Variants in PARP9 observed in about 807,000 individuals in gnomAD.
PARP9 encodes protein mono-ADP-ribosyltransferase PARP9.
PARP9 carries 48 observed loss-of-function variants against 68.8 expected under a neutral mutation model. That is an observed-to-expected ratio of 0.70 (90% CI 0.55 to 0.89). The LOEUF is 0.89. Ranked by LOEUF, PARP9 falls within the 40% of genes least tolerant of loss-of-function variation. PARP9 has a pLI of 0.00. For missense variants in PARP9, 806 were observed against 969.3 expected (o/e 0.83, Z 2.24); for synonymous variants, 309 against 333.8 (o/e 0.93, Z 0.81).
chr3:122,564,521 G>T, upstream of PARP9: 2 of 1,611,798 alleles, frequency 1.2e-6, no homozygotes, highest in Non-Finnish European at 1.7e-6. Flanking sequence ...TACTTCCAGA[G>T]CTCTAAGTCC....
At chr3:122,557,005 A>AT (rs1393163168) in intron 3 of PARP9, among the ~76,000 whole-genome samples, 2 of 151,786 alleles carry the variant, frequency 1.3e-5, no homozygotes, top group South Asian at 4.2e-4. Context: ...TAATTTCCGT[A>AT]TTTTTTTCTG....
At position 122,528,610 on chromosome 3, in the gene PARP9, C is replaced by G. The variant is rs778616434; in HGVS notation, c.2214G>C (p.Gln738His). 1 of 1,614,048 alleles carries G rather than the reference C, an allele frequency of 6.2e-7. No homozygotes were observed. Among genetic ancestry groups the G allele is most frequent in the Non-Finnish European group, 8.5e-7 (1 of 1,180,040 alleles). The change falls in exon 11 of 11, where the codon CAG (glutamine) becomes CAC (histidine). Residue 738 changes from glutamine to histidine, a missense_variant. Around this residue, in one of 2 missense-constraint regions of PARP9, gnomAD observed 680 missense variants for 858.8 expected, o/e 0.79. Transcript: ENST00000682323. ...GGGGAACAATATTTAACGGATGTCC[C>G]TGGCAGAAGAAGCCTGTGAGTACTT... ...EAEVLTGFFC[Q>H]GHPLNIVPPP...
intron 8 of PARP9, among the ~76,000 whole-genome samples, chr3:122,540,012 A>G (rs930479095): frequency 2.0e-5 from 3 of 152,252 alleles, no homozygotes; most frequent in Admixed American, 1.3e-4. Context: ...TTACCAATGT[A>G]TAACTTCATT....
intron 7 of PARP9, among the ~76,000 whole-genome samples, chr3:122,542,658 T>C (rs2078340939): frequency 6.6e-6 from 1 of 151,354 alleles, no homozygotes; most frequent in Non-Finnish European, 1.5e-5. Context: ...TTTTGTACTT[T>C]TAGTAGAGAT....
At chr3:122,549,505 G>T (rs1243119841) in intron 6 of PARP9, among the ~76,000 whole-genome samples, 1 of 152,158 alleles carries the variant, frequency 6.6e-6, no homozygotes, top group African/African-American at 2.4e-5. Context: ...GACAGGCCAG[G>T]CATATTGGCT....
intron 4 of PARP9, among the ~76,000 whole-genome samples, chr3:122,554,149 G>A (rs888607434): frequency 6.6e-6 from 1 of 151,924 alleles, no homozygotes; most frequent in Non-Finnish European, 1.5e-5. Context: ...CCTGACTGTA[G>A]TCAAGCCCAT....
intron 3 of PARP9, 134 bp from the exon 4 acceptor site, chr3:122,556,255 G>C: frequency 1.6e-6 from 1 of 614,374 alleles, no homozygotes; most frequent in South Asian, 2.5e-5. Flanking sequence ...ACTTCATGTA[G>C]TGCTCTTCAT....
Position 122,534,990 on chromosome 3 carries a change from T to C in PARP9, c.2080+1178A>G, listed in dbSNP as rs1000957965. The stretch of plus-strand genomic sequence containing the variant: ...AGGATAGTGGGTGTCTTAGATGTTT[T>C]AGTAAGAAAGATGTGTATAGATGTT... On this transcript the variant is annotated intron_variant, in intron 10 of 10. Transcript: ENST00000682323. 6.1e-6 allele frequency: 6 copies of C among 981,656 alleles called. No individual in the cohort carries two copies. The Admixed American group carries it at 2.5e-4, about 40-fold the overall frequency. The allele number at this position is 981,656 out of a possible 1,614,324, so 60.8% of individuals were successfully genotyped here. A position where few individuals can be genotyped will look rare whatever the true frequency, so the allele number is the denominator to read the frequency against.
At chr3:122,561,585 C>T (rs893076468) in intron 1 of PARP9, among the ~76,000 whole-genome samples, 2 of 152,200 alleles carry the variant, frequency 1.3e-5, no homozygotes, top group African/African-American at 4.8e-5. Flanking sequence ...ATTCTGCTTT[C>T]CTGGCTTCTC....
intron 2 of PARP9, among the ~76,000 whole-genome samples, chr3:122,559,013 CATCT>C (rs1265330190): frequency 1.1e-4 from 17 of 152,216 alleles, no homozygotes; most frequent in Non-Finnish European, 1.6e-4. Context: ...ACCGCCAATG[CATCT>C]CAGTGCATCT....
chr3:122,531,787 T>TA (rs398106397), intron 10 of PARP9: 1 of 151,964 alleles, frequency 6.6e-6, no homozygotes, highest in Non-Finnish European at 1.5e-5. Flanking sequence ...TGTTTTTTTT[T>TA]ATTATTTTAT....
At position 122,555,649 on chromosome 3, in the gene PARP9, A is replaced by C; in HGVS notation, c.522T>G (p.Cys174Trp). 6.2e-7 allele frequency: 1 copy of C among 1,614,128 alleles called. No individual in the cohort carries two copies. The highest frequency in any genetic ancestry group is 8.5e-7 in the Non-Finnish European group (1 of 1,180,022). ...PRWMEWDKQG[C>W]TGKLQRAIVS... ...CAATGGCCCTCTGCAGCTTTCCAGT[A>C]CATCCCTGTTTATCCCATTCCATCC... Residue 174 changes from cysteine to tryptophan, a missense_variant, in exon 4 of 11, where the codon TGT becomes TGG. By Grantham distance (215) the Cys-to-Trp change is radical. This residue lies in a region of PARP9 where 680 missense variants were observed against 858.8 expected (regional missense o/e 0.79). Transcript: ENST00000682323.
chr3:122,539,624 G>A lies in PARP9; in HGVS notation c.1765+848C>T, dbSNP rs564281347. 1.5e-3 allele frequency among the ~76,000 whole-genome samples: 227 copies of A among 149,632 alleles called. 2 individuals carry two copies. The highest frequency in any genetic ancestry group is 5.1e-3 in the African/African-American group (207 of 40,414). On this transcript the variant is annotated intron_variant, in intron 8 of 10. Transcript: ENST00000682323. ...TGCCCAGGCTGGAGTGCAATGGTTC[G>A]ATCTTGGTTCACTGCAACCTCTGCC...
At chr3:122,558,340 T>C (rs753898739) in intron 3 of PARP9, 94 bp downstream of exon 3, 6 of 1,614,084 alleles carry the variant, frequency 3.7e-6, no homozygotes, top group African/African-American at 2.7e-5. Flanking sequence ...TGAGCACTTG[T>C]AGGGGAGACA....
intron 7 of PARP9, among the ~76,000 whole-genome samples, chr3:122,544,436 A>G (rs1456014910): frequency 6.6e-6 from 1 of 152,202 alleles, no homozygotes; most frequent in African/African-American, 2.4e-5. Flanking sequence ...ACAGGATCAT[A>G]AAAGGCACAG....
At chr3:122,563,514 T>A (rs2080413427) in intron 1 of PARP9, among the ~76,000 whole-genome samples, 1 of 152,208 alleles carries the variant, frequency 6.6e-6, no homozygotes, top group Non-Finnish European at 1.5e-5. Context: ...TGTTTCTTTA[T>A]CCTTTAAAAA....
At chr3:122,531,367 T>C (rs911801776) in intron 10 of PARP9, among the ~76,000 whole-genome samples, 3 of 152,254 alleles carry the variant, frequency 2.0e-5, no homozygotes, top group African/African-American at 7.2e-5. Flanking sequence ...CTTCTTGCTC[T>C]TTGTTCTTCC....
chr3:122,560,472 C>T lies in PARP9; in HGVS notation c.-89-763G>A, dbSNP rs527944257. On this transcript the variant is annotated intron_variant, in intron 1 of 10. Transcript: ENST00000682323. ...CTCGATCTTGGCTCACTGCAAGCTC[C>T]GCCTCCTGGGTTCACGCCATTCTCC... Among the ~76,000 whole-genome samples, 236 of 152,176 alleles carry T rather than the reference C, an allele frequency of 1.6e-3. 1 individual carries two copies. The highest frequency in any genetic ancestry group is 5.4e-3 in the African/African-American group (223 of 41,518).
intron 10 of PARP9, chr3:122,535,666 A>G: frequency 1.0e-6 from 1 of 986,868 alleles, no homozygotes; most frequent in Non-Finnish European, 1.2e-6. Context: ...AGAGGATCTT[A>G]AGATGTTATG....
Sources: allele counts gnomAD v4.1 joint callset (sites outside exome capture counted in the v4.1 genomes callset), GRCh38; gene constraint gnomAD v4.1.1; regional missense constraint gnomAD v4.1.1; transcripts MANE v1.5; gene names NCBI Gene and HGNC (gene_info 2026-07-23, HGNC 2026-07-21).